COL27A1: variants seen among roughly 807,000 people sequenced by gnomAD.
COL27A1 encodes collagen alpha-1(XXVII) chain.
A neutral mutation model predicts 251.3 loss-of-function variants in COL27A1; 106 were observed. The ratio of observed to expected loss-of-function variants is 0.42; its 90% CI spans 0.36 to 0.50. COL27A1 has a LOEUF of 0.50. Among genes scored for constraint, COL27A1 ranks in the 20% least tolerant of loss-of-function variants. COL27A1 has a pLI of 0.00. For missense variants in COL27A1, 2,325 were observed against 2,522.8 expected (o/e 0.92, Z 1.68); for synonymous variants, 1,000 against 986.3 (o/e 1.01, Z -0.26).
chr9:114,274,409 G>C (rs1338385185), intron 36 of COL27A1, among the ~76,000 whole-genome samples: 1 of 152,174 alleles, frequency 6.6e-6, no homozygotes, highest in Non-Finnish European at 1.5e-5. Context: ...GGGCCTCTGG[G>C]CCAGACCACT....
intron 16 of COL27A1, among the ~76,000 whole-genome samples, chr9:114,233,097 C>A (rs764487916): frequency 1.1e-4 from 17 of 152,162 alleles, no homozygotes; most frequent in Non-Finnish European, 2.2e-4. Flanking sequence ...TGAGGCCACG[C>A]AGCTGGTAAG....
intron 57 of COL27A1, among the ~76,000 whole-genome samples, chr9:114,305,192 A>G (rs976141290): frequency 6.6e-6 from 1 of 152,144 alleles, no homozygotes; most frequent in African/African-American, 2.4e-5. Context: ...CATGACAGGG[A>G]ACTTACTGCC....
intron 20 of COL27A1, 22 bp from the exon 21 acceptor site, chr9:114,240,412 C>A: frequency 6.2e-7 from 1 of 1,613,172 alleles, no homozygotes. Flanking sequence ...CTGAGACTCC[C>A]TTTTTGTTCC....
intron 19 of COL27A1, among the ~76,000 whole-genome samples, chr9:114,239,251 T>G (rs1299254955): frequency 6.6e-6 from 1 of 152,256 alleles, no homozygotes; most frequent in African/African-American, 2.4e-5. Flanking sequence ...GCATCCCGAC[T>G]GCTAAGTTCT....
At chr9:114,178,898 G>T (rs1256958945) in intron 4 of COL27A1, among the ~76,000 whole-genome samples, 1 of 152,134 alleles carries the variant, frequency 6.6e-6, no homozygotes, top group Non-Finnish European at 1.5e-5. Flanking sequence ...CTTTTATGCT[G>T]CCTTATTTGA....
intron 7 of COL27A1, among the ~76,000 whole-genome samples, chr9:114,202,913 C>T (rs1829674059): frequency 6.6e-6 from 1 of 152,182 alleles, no homozygotes; most frequent in Admixed American, 6.5e-5. Flanking sequence ...CACTACTAGA[C>T]ATTTTCTCTC....
intron 10 of COL27A1, 134 bp from the exon 11 acceptor site, chr9:114,209,541 G>C (rs368084312): frequency 1.2e-6 from 1 of 834,066 alleles, no homozygotes; most frequent in Non-Finnish European, 2.1e-6. Context: ...AGGAGCCACC[G>C]GAGCTGCCAC....
Position 114,173,379 on chromosome 9 carries a change from A to G in COL27A1, c.1908+3916A>G, listed in dbSNP as rs142042026. ...AAATGAACAAAAGAATTTGATCCTT[A>G]CGAAATGCAGGTCGTCCTGACTCCC... On this transcript the variant is annotated intron_variant, in intron 3 of 60. Coordinates refer to ENST00000356083, the MANE Select transcript of COL27A1 (RefSeq NM_032888.4). 3.4e-3 allele frequency among the ~76,000 whole-genome samples: 525 copies of G among 152,362 alleles called. 3 individuals are homozygous for G. Among genetic ancestry groups the G allele is most frequent in the Non-Finnish European group, 5.8e-3 (396 of 68,034 alleles).
chr9:114,201,397 C>T (rs763057148), intron 7 of COL27A1, among the ~76,000 whole-genome samples: 20 of 152,288 alleles, frequency 1.3e-4, no homozygotes, highest in Non-Finnish European at 2.8e-4. Context: ...TTTGCTGGCC[C>T]CAGCTGGTAA....
rs1827872436 is a variant in COL27A1, at chr9:114,290,995, G to A, written c.4476+78G>A. 4.0e-6 allele frequency: 4 copies of A among 1,012,434 alleles called. No homozygotes were observed. Among genetic ancestry groups the A allele is most frequent in the Non-Finnish European group, 5.8e-6 (4 of 689,334 alleles). The allele number at this position is 1,012,434 out of a possible 1,614,324, so 62.7% of individuals were successfully genotyped here. On this transcript the variant is annotated intron_variant, in intron 48 of 60. Coordinates refer to ENST00000356083, the MANE Select transcript of COL27A1 (RefSeq NM_032888.4). The surrounding 1 kb of genome is among the most constrained non-coding windows in gnomAD (Gnocchi z 4.6). ...CAGACTCTAGTGGTTCCGACCCTTT[G>A]GGCACCCATGTCCCAGGGCCTGTGT...
At chr9:114,268,653 C>T (rs565705170) in intron 34 of COL27A1, among the ~76,000 whole-genome samples, 2 of 152,340 alleles carry the variant, frequency 1.3e-5, no homozygotes, top group East Asian at 3.9e-4. Flanking sequence ...TCCCCCAATG[C>T]CTCTGATGCT....
intron 27 of COL27A1, among the ~76,000 whole-genome samples, chr9:114,256,414 A>G (rs961568747): frequency 3.3e-5 from 5 of 152,160 alleles, no homozygotes; most frequent in African/African-American, 9.7e-5. Flanking sequence ...AATGGTGTGA[A>G]CCTGGGAGGC....
At chr9:114,241,019 G>A (rs116769506) in intron 21 of COL27A1, among the ~76,000 whole-genome samples, 1,924 of 152,334 alleles carry the variant, frequency 0.013, 44 homozygotes, top group African/African-American at 0.043. Context: ...TGTGCTTCCT[G>A]GGAGTGGCCT....
At chr9:114,205,732 CTT>C in intron 8 of COL27A1, 25 bp from the exon 9 acceptor site, 1 of 1,612,172 alleles carries the variant, frequency 6.2e-7, no homozygotes, top group Non-Finnish European at 8.5e-7. Flanking sequence ...CTTTCTTTTC[CTT>C]ATGTTTCTCT....
At chr9:114,194,892 T>C (rs957684965) in intron 6 of COL27A1, among the ~76,000 whole-genome samples, 10 of 152,200 alleles carry the variant, frequency 6.6e-5, no homozygotes, top group African/African-American at 2.4e-4. Flanking sequence ...TGTGGATTTC[T>C]AGGAGGCTAG....
chr9:114,155,778 G>A lies in COL27A1; in HGVS notation c.-173G>A. The A allele has an allele frequency of 6.6e-6, 2 of 301,894 alleles. No individual in the cohort carries two copies. The highest frequency in any genetic ancestry group is 9.7e-6 in the Non-Finnish European group (2 of 206,962). The allele number at this position is 301,894 out of a possible 1,614,324, so 18.7% of individuals were successfully genotyped here. A position where few individuals can be genotyped will look rare whatever the true frequency, so the allele number is the denominator to read the frequency against. ...TGGGCCTGGCGCGGGCGCCCGCGGG[G>A]CCCCAGCCGCGCTGCCTGCCTGCTC... On this transcript the variant is annotated 5_prime_UTR_variant, in exon 1 of 61. Coordinates refer to ENST00000356083, the MANE Select transcript of COL27A1 (RefSeq NM_032888.4). This position sits in a 1 kb window ranked among gnomAD's most constrained non-coding sequence, Gnocchi z 5.5.
At chr9:114,282,205 C>T (rs367631704) in intron 37 of COL27A1, 72 bp from the exon 38 acceptor site, 22 of 1,417,596 alleles carry the variant, frequency 1.6e-5, no homozygotes, top group Middle Eastern at 1.9e-4. Flanking sequence ...ACAGTCTGAC[C>T]GCCTTGCGGA....
intron 50 of COL27A1, 121 bp from the exon 51 acceptor site, chr9:114,300,503 TC>T: frequency 1.4e-6 from 1 of 695,448 alleles, no homozygotes; most frequent in African/African-American, 1.8e-5. Context: ...CTGGGGCCTC[TC>T]AGGTAAGGCC....
intron 3 of COL27A1, among the ~76,000 whole-genome samples, chr9:114,170,839 G>C (rs1270072738): frequency 6.6e-5 from 10 of 152,188 alleles, no homozygotes; most frequent in Non-Finnish European, 1.5e-4. Flanking sequence ...GGTGCCTTGG[G>C]GCCCTGACAG....
Sources: allele counts gnomAD v4.1 joint callset (sites outside exome capture counted in the v4.1 genomes callset), GRCh38; gene constraint gnomAD v4.1.1; non-coding constraint Gnocchi (gnomAD v3.1); transcripts MANE v1.5; gene names NCBI Gene and HGNC (gene_info 2026-07-23, HGNC 2026-07-21).